The following EIF2AK4 variants were observed in gnomAD, a reference collection of about 807,000 sequenced individuals.
The protein encoded by EIF2AK4 is eukaryotic translation initiation factor 2 alpha kinase 4, also known as eIF-2-alpha kinase GCN2.
A neutral mutation model predicts 211.1 loss-of-function variants in EIF2AK4; 139 were observed. The ratio of observed to expected loss-of-function variants is 0.66; its 90% CI spans 0.57 to 0.76. EIF2AK4 has a LOEUF of 0.76. EIF2AK4 is among the 30% of genes least tolerant of loss of function. The pLI is 0.00. For synonymous variants in EIF2AK4, 710 were observed against 751.3 expected (o/e 0.94, Z 0.90); for missense variants, 1,664 against 2,043.8 (o/e 0.81, Z 3.58).
intron 18 of EIF2AK4, among the ~76,000 whole-genome samples, chr15:39,996,185 A>G (rs909424793): frequency 3.3e-5 from 5 of 152,218 alleles, no homozygotes; most frequent in Admixed American, 1.3e-4. Context: ...ACAAATGGCA[A>G]GATTCTCTTC....
At position 40,004,955 on chromosome 15, in the gene EIF2AK4, G is replaced by A. The variant is rs181580371; in HGVS notation, c.3357+1641G>A. Among the ~76,000 whole-genome samples the A allele has an allele frequency of 2.1e-4, 32 of 152,250 alleles. No homozygotes were observed. The East Asian group carries it at 5.6e-3, about 27-fold the overall frequency. On this transcript the variant is annotated intron_variant, in intron 23 of 38. Transcript: ENST00000263791. The stretch of plus-strand genomic sequence containing the variant: ...ACATATCCTTGGATTCCACATCCAC[G>A]TATCCAGCCAACTGTGGATGGAAAA...
intron 4 of EIF2AK4, among the ~76,000 whole-genome samples, chr15:39,953,283 G>A (rs1393049899): frequency 6.6e-6 from 1 of 152,172 alleles, no homozygotes; most frequent in African/African-American, 2.4e-5. Context: ...TTTACACATT[G>A]TATTATTGCT....
At position 39,985,868 on chromosome 15, in the gene EIF2AK4, G is replaced by C; in HGVS notation, c.2383G>C (p.Val795Leu). 1 of 1,614,064 alleles carries C rather than the reference G, an allele frequency of 6.2e-7. No individual in the cohort carries two copies. The highest frequency in any genetic ancestry group is 8.5e-7 in the Non-Finnish European group (1 of 1,179,986). Residue 795 changes from valine to leucine, a missense_variant, in exon 14 of 39, where the codon GTG becomes CTG. This residue lies in a region of EIF2AK4 where 206 missense variants were observed against 201.9 expected (regional missense o/e 1.02). Coordinates refer to ENST00000263791, the MANE Select transcript of EIF2AK4 (RefSeq NM_001013703.4). ...ESEPSVTTEA[V>L]HYLYIQMEYC... Reference sequence around the variant, plus strand: ...TGAGCCATCAGTGACGACTGAGGCTGTGCACTACCTATACATCCAGGTGAG... The same window carrying C: ...TGAGCCATCAGTGACGACTGAGGCTCTGCACTACCTATACATCCAGGTGAG...
At chr15:39,956,877 G>A (rs1377751581) in intron 6 of EIF2AK4, among the ~76,000 whole-genome samples, 3 of 152,146 alleles carry the variant, frequency 2.0e-5, no homozygotes, top group African/African-American at 4.8e-5. Flanking sequence ...TGTATAGTTT[G>A]TTTATTAGAA....
chr15:39,968,240 A>C (rs1443002220), intron 9 of EIF2AK4, among the ~76,000 whole-genome samples: 2 of 152,206 alleles, frequency 1.3e-5, no homozygotes, highest in Non-Finnish European at 2.9e-5. Flanking sequence ...GAGGCTCCTT[A>C]TTCAAAAACA....
intron 10 of EIF2AK4, 43 bp from the exon 11 acceptor site, chr15:39,973,548 AT>A (rs2034652561): frequency 1.3e-6 from 2 of 1,554,176 alleles, no homozygotes; most frequent in African/African-American, 2.8e-5. Flanking sequence ...CTCTTCCTAA[AT>A]TTCCAATGCC....
chr15:39,992,158 C>T lies in EIF2AK4; in HGVS notation c.2632-17C>T, dbSNP rs1229533024. On this transcript the variant is annotated splice_polypyrimidine_tract_variant and intron_variant, in intron 16 of 38. Transcript: ENST00000263791. ...TATCATGTTTTAATTGGATATTTGG[C>T]TTACTTATATTTTTAGGCTGACAGC... 6.2e-7 allele frequency: 1 copy of T among 1,607,484 alleles called. No individual in the cohort carries two copies. The highest frequency in any genetic ancestry group is 8.5e-7 in the Non-Finnish European group (1 of 1,176,712).
At chr15:40,003,110 C>CTGTCA in intron 22 of EIF2AK4, 83 bp from the exon 23 acceptor site, 1 of 1,556,300 alleles carries the variant, frequency 6.4e-7, no homozygotes, top group Non-Finnish European at 8.7e-7. Context: ...AATTACTTAA[C>CTGTCA]TGTCAGGTTT....
chr15:39,999,571 C>A (rs2035064876), intron 20 of EIF2AK4, among the ~76,000 whole-genome samples: 1 of 152,078 alleles, frequency 6.6e-6, no homozygotes, highest in South Asian at 2.1e-4. Flanking sequence ...AATGGACATG[C>A]CACTTTTCTA....
rs1209368418 is a variant in EIF2AK4 at position 39,992,815 on chromosome 15, G to A, written c.2733G>A (p.Glu911=). The A allele has an allele frequency of 1.2e-6, 2 of 1,614,026 alleles. No homozygotes were observed. Among genetic ancestry groups the A allele is most frequent in the African/African-American group, 2.7e-5 (2 of 74,928 alleles). Residue 911 remains glutamate (E), a synonymous_variant, in exon 18 of 39, where the codon GAG becomes GAA. Transcript: ENST00000263791. ...GCACTGCTCTCTATGTAAGCCCAGA[G>A]GTCCAAGGAAGCACCAAATCTGCAT... ...MVGTALYVSP[E]VQGSTKSAYN...
At position 39,976,816 on chromosome 15, in the gene EIF2AK4, C is replaced by G. The variant is rs199903784; in HGVS notation, c.2221C>G (p.His741Asp). The G allele has an allele frequency of 5.2e-6, 8 of 1,527,342 alleles. No individual in the cohort carries two copies. Among genetic ancestry groups the G allele is most frequent in the Admixed American group, 3.8e-5 (2 of 51,954 alleles). The allele number at this position is 1,527,342 out of a possible 1,614,324, so 94.6% of individuals were successfully genotyped here. ...TGACGAGGACGACGACGAGGACGAG[C>G]ACGGTGGCGTCTTCTCCCAGTCCTT... ...SDDEDDDEDEHGGVFSQSFLP... is the reference protein window; with the variant it reads ...SDDEDDDEDEDGGVFSQSFLP... The change falls in exon 12 of 39, where the codon CAC becomes GAC. Residue 741 changes from histidine (H) to aspartate (D), a missense_variant. Transcript: ENST00000263791.
intron 7 of EIF2AK4, among the ~76,000 whole-genome samples, chr15:39,964,474 T>C (rs1461411170): frequency 6.6e-6 from 1 of 152,190 alleles, no homozygotes; most frequent in Non-Finnish European, 1.5e-5. Context: ...GTCGGGGTGC[T>C]ATTGGCATCT....
At chr15:40,020,621 G>A (rs1372425652) in intron 30 of EIF2AK4, 9 of 166,962 alleles carry the variant, frequency 5.4e-5, no homozygotes, top group Non-Finnish European at 1.0e-4. Flanking sequence ...CACAGGAGGC[G>A]GAGGTTACAG....
chr15:40,022,907 G>C lies in EIF2AK4; in HGVS notation c.4389+302G>C, dbSNP rs976718232. ...CGCCACCACGCTCGGCTAATTTTTT[G>C]TATTTTTAGTGGAGACGGGGTTTCA... On this transcript the variant is annotated intron_variant, in intron 32 of 38. Transcript: ENST00000263791. Among the ~76,000 whole-genome samples, 3 of 152,142 alleles carry C rather than the reference G, an allele frequency of 2.0e-5. No individual in the cohort carries two copies. In the East Asian group the frequency reaches 5.8e-4, roughly 29 times the overall value.
chr15:40,034,329 G>C lies in EIF2AK4; in HGVS notation c.4777G>C (p.Asp1593His). ...TILQFLSLEWDADEQAFNTTV... is the reference protein window; with the variant it reads ...TILQFLSLEWHADEQAFNTTV... ...GTCTTATCTATTTTTTTCCTAGTGG[G>C]ATGCTGATGAACAGGCATTTAACAC... The change falls in exon 38 of 39, where the codon GAT becomes CAT. Residue 1593 changes from aspartate to histidine, a missense_variant. Physicochemically the swap from Asp to His is moderately conservative, Grantham distance 81. Around this residue, in one of 7 missense-constraint regions of EIF2AK4, gnomAD observed 138 missense variants for 165.1 expected, o/e 0.84. Coordinates refer to ENST00000263791, the MANE Select transcript of EIF2AK4 (RefSeq NM_001013703.4). The C allele has an allele frequency of 3.7e-6, 6 of 1,612,300 alleles. No individual in the cohort carries two copies. The highest frequency in any genetic ancestry group is 5.1e-6 in the Non-Finnish European group (6 of 1,179,314).
At chr15:39,947,627 A>G (rs567913005) in intron 3 of EIF2AK4, among the ~76,000 whole-genome samples, 37 of 152,252 alleles carry the variant, frequency 2.4e-4, no homozygotes, top group Non-Finnish European at 4.4e-4. Context: ...ACAGAAAGCA[A>G]TCAAATAACT....
chr15:39,962,600 A>T (rs2034488642), intron 7 of EIF2AK4, among the ~76,000 whole-genome samples: 1 of 152,174 alleles, frequency 6.6e-6, no homozygotes, highest in Non-Finnish European at 1.5e-5. Context: ...CTAGGACTAC[A>T]GTAATGTCTG....
rs1019703020 is a variant in EIF2AK4 at position 39,976,303 on chromosome 15, T to C, written c.1819-111T>C. 7.8e-5 allele frequency: 90 copies of C among 1,159,746 alleles called. No homozygotes were observed. The South Asian group carries it at 1.4e-3, about 19-fold the overall frequency. The allele number at this position is 1,159,746 out of a possible 1,614,324, so 71.8% of individuals were successfully genotyped here. ...CAGGCATGTGGTTCTTGACTGTAGC[T>C]GTGGGACTCATTTAGAACTTCACGC... On this transcript the variant is annotated intron_variant, in intron 11 of 38. Transcript: ENST00000263791.
At chr15:39,997,784 T>G (rs2035036367) in intron 19 of EIF2AK4, among the ~76,000 whole-genome samples, 1 of 152,166 alleles carries the variant, frequency 6.6e-6, no homozygotes, top group Admixed American at 6.5e-5. Flanking sequence ...GTGTTACATG[T>G]GCGAGGTCAG....
Sources: allele counts gnomAD v4.1 joint callset (sites outside exome capture counted in the v4.1 genomes callset), GRCh38; gene constraint gnomAD v4.1.1; regional missense constraint gnomAD v4.1.1; transcripts MANE v1.5; gene names NCBI Gene and HGNC (gene_info 2026-07-23, HGNC 2026-07-21).